The following MYT1L variants were observed in gnomAD, a reference collection of about 807,000 sequenced individuals.
MYT1L encodes myelin transcription factor 1 like, also known as myelin transcription factor 1-like protein.
A neutral mutation model predicts 126.7 loss-of-function variants in MYT1L; 12 were observed. That is an observed-to-expected ratio of 0.09 (90% confidence interval 0.06 to 0.15). MYT1L has a LOEUF of 0.15. Among genes scored for constraint, MYT1L ranks in the 10% least tolerant of loss-of-function variants. MYT1L has a pLI of 1.00. For synonymous variants in MYT1L, 541 were observed against 604.2 expected, an observed-to-expected ratio of 0.90 and a Z score of 1.53; for missense variants, 979 against 1,585.2, an observed-to-expected ratio of 0.62 and a Z score of 6.49.
chr2:2,157,106 T>G (rs1241115231), intron 3 of MYT1L, among the ~76,000 whole-genome samples: 1 of 152,122 alleles, frequency 6.6e-6, no homozygotes, highest in Non-Finnish European at 1.5e-5. Context: ...TATTACTCAT[T>G]TAGAAGCACA....
At chr2:1,972,213 GTTAA>G (rs1411905148) in intron 8 of MYT1L, among the ~76,000 whole-genome samples, 7 of 152,176 alleles carry the variant, frequency 4.6e-5, no homozygotes, top group African/African-American at 1.4e-4. Context: ...GCAGCCACAC[GTTAA>G]TTAGAGCATT....
chr2:1,887,693 G>A lies in MYT1L; in HGVS notation c.2521-84C>T. On this transcript the variant is annotated intron_variant, in intron 16 of 24. Transcript: ENST00000647738. The surrounding 1 kb of genome is among the most constrained non-coding windows in gnomAD (Gnocchi z 4.8). ...GGAGGTGGTTCGTGGCTCTGGGGTG[G>A]CCTCTACATCTTACACCTCTTTCTG... 1.9e-6 allele frequency: 3 copies of A among 1,547,352 alleles called. No individual in the cohort carries two copies. Among genetic ancestry groups the A allele is most frequent in the Non-Finnish European group, 2.7e-6 (3 of 1,124,992 alleles).
rs761387406 is a variant in MYT1L, at chr2:1,917,669, G to A, written c.1484-330C>T. On this transcript the variant is annotated intron_variant, in intron 10 of 24. Coordinates refer to ENST00000647738, the MANE Select transcript of MYT1L (RefSeq NM_001303052.2). This position sits in a 1 kb window ranked among gnomAD's most constrained non-coding sequence, Gnocchi z 5.9. ...AAGGAATCAACGTAAATCGTGATGA[G>A]ACAGTGACCTTCTTAGAGAACGAAA... 6.6e-6 allele frequency among the ~76,000 whole-genome samples: 1 copy of A among 152,196 alleles called. No homozygotes were observed. The highest frequency in any genetic ancestry group is 1.5e-5 in the Non-Finnish European group (1 of 68,042).
chr2:2,233,152 C>T (rs1005722117), intron 2 of MYT1L, among the ~76,000 whole-genome samples: 3 of 152,288 alleles, frequency 2.0e-5, no homozygotes, highest in South Asian at 2.1e-4. Flanking sequence ...TTTTTTAAGT[C>T]GCACATTTCA....
chr2:2,260,110 TCAC>T (rs1285349572), intron 2 of MYT1L, among the ~76,000 whole-genome samples: 1 of 152,110 alleles, frequency 6.6e-6, no homozygotes, highest in Non-Finnish European at 1.5e-5. Flanking sequence ...TCAGATGCAC[TCAC>T]CGAGCACGGA....
intron 1 of MYT1L, among the ~76,000 whole-genome samples, chr2:2,288,458 A>G (rs1161544276): frequency 6.6e-6 from 1 of 152,242 alleles, no homozygotes; most frequent in Non-Finnish European, 1.5e-5. Flanking sequence ...CCATTCAAAG[A>G]GCAGGGCGTG....
intron 1 of MYT1L, among the ~76,000 whole-genome samples, chr2:2,320,603 T>C (rs1273226211): frequency 6.6e-6 from 1 of 152,164 alleles, no homozygotes; most frequent in East Asian, 1.9e-4. Context: ...ACTACCATCA[T>C]TGACGCCAGC....
chr2:2,191,906 TC>T (rs2092607192), intron 2 of MYT1L, among the ~76,000 whole-genome samples: 1 of 152,218 alleles, frequency 6.6e-6, no homozygotes, highest in Admixed American at 6.5e-5. Flanking sequence ...GTTAATTTTT[TC>T]CTAAATATTT....
At chr2:1,980,469 T>G (rs1189487407) in intron 5 of MYT1L, among the ~76,000 whole-genome samples, 1 of 152,084 alleles carries the variant, frequency 6.6e-6, no homozygotes, top group African/African-American at 2.4e-5. Context: ...GTTTAGTTCC[T>G]GGAATGCAAT....
At chr2:1,831,158 C>T (rs1161628594) in intron 21 of MYT1L, among the ~76,000 whole-genome samples, 3 of 152,210 alleles carry the variant, frequency 2.0e-5, no homozygotes, top group African/African-American at 2.4e-5. Context: ...GTGAATGACT[C>T]CCATGAAGTC....
chr2:2,156,382 C>T (rs1010341525), intron 3 of MYT1L, among the ~76,000 whole-genome samples: 1 of 152,220 alleles, frequency 6.6e-6, no homozygotes, highest in Non-Finnish European at 1.5e-5. Flanking sequence ...CAGCCCCCAA[C>T]AGGGGAGAGA....
chr2:1,957,306 G>C (rs555135170), intron 8 of MYT1L, among the ~76,000 whole-genome samples: 1 of 152,242 alleles, frequency 6.6e-6, no homozygotes, highest in Admixed American at 6.5e-5. Flanking sequence ...GGTATGAGTG[G>C]TTTTGGTTAC....
At chr2:2,300,802 G>A (rs2095770392) in intron 1 of MYT1L, among the ~76,000 whole-genome samples, 3 of 152,180 alleles carry the variant, frequency 2.0e-5, no homozygotes, top group African/African-American at 7.2e-5. Flanking sequence ...GAGCCGCCTG[G>A]AGCTGGGCAT....
At chr2:1,880,917 G>A (rs990314333) in intron 18 of MYT1L, among the ~76,000 whole-genome samples, 4 of 152,220 alleles carry the variant, frequency 2.6e-5, no homozygotes, top group African/African-American at 4.8e-5. Context: ...CAATGGCGAG[G>A]CATAAACAGA....
intron 1 of MYT1L, among the ~76,000 whole-genome samples, chr2:2,318,787 G>A (rs949489027): frequency 1.3e-5 from 2 of 152,130 alleles, no homozygotes; most frequent in Admixed American, 6.5e-5. Flanking sequence ...CAAGAACCTA[G>A]CATCAACCAA....
intron 22 of MYT1L, among the ~76,000 whole-genome samples, chr2:1,807,056 A>C (rs1477296130): frequency 6.6e-6 from 1 of 152,194 alleles, no homozygotes; most frequent in African/African-American, 2.4e-5. Context: ...GACTGCATCC[A>C]CAGGGAGAGG....
chr2:1,942,976 G>A lies in MYT1L; in HGVS notation c.505+6C>T. ...CTTGTTACTTTGCTAATATTTTAAA[G>A]ATTACCGTTTTCTTCTTCCTCTTCC... On this transcript the variant is annotated splice_donor_region_variant and intron_variant, in intron 9 of 24. Coordinates refer to ENST00000647738, the MANE Select transcript of MYT1L (RefSeq NM_001303052.2). 6.6e-7 allele frequency: 1 copy of A among 1,525,424 alleles called. No homozygotes were observed. The highest frequency in any genetic ancestry group is 8.8e-7 in the Non-Finnish European group (1 of 1,133,394). 94.5% of individuals were successfully genotyped at this position (1,525,424 alleles called of 1,614,324 possible). A position where few individuals can be genotyped will look rare whatever the true frequency, so the allele number is the denominator to read the frequency against.
intron 18 of MYT1L, among the ~76,000 whole-genome samples, chr2:1,855,778 G>A (rs1237316515): frequency 6.6e-6 from 1 of 151,814 alleles, no homozygotes; most frequent in Non-Finnish European, 1.5e-5. Flanking sequence ...GCTGCCCCAC[G>A]GATATTTTCA....
chr2:2,227,743 T>G (rs1024536325), intron 2 of MYT1L, among the ~76,000 whole-genome samples: 2 of 152,250 alleles, frequency 1.3e-5, no homozygotes, highest in African/African-American at 4.8e-5. Flanking sequence ...TTAATGTTCA[T>G]GATGATACCC....
Sources: allele counts gnomAD v4.1 joint callset (sites outside exome capture counted in the v4.1 genomes callset), GRCh38; gene constraint gnomAD v4.1.1; non-coding constraint Gnocchi (gnomAD v3.1); transcripts MANE v1.5; gene names NCBI Gene and HGNC (gene_info 2026-07-23, HGNC 2026-07-21).